Variants in CDC14A observed in about 807,000 individuals in gnomAD.
CDC14A encodes the protein dual specificity protein phosphatase CDC14A.
CDC14A carries 53 observed loss-of-function variants against 74.4 expected under a neutral mutation model. The ratio of observed to expected loss-of-function variants is 0.71; its 90% confidence interval spans 0.57 to 0.89. The LOEUF is 0.89. CDC14A is among the 40% of genes least tolerant of loss of function. The pLI, the probability that CDC14A is intolerant of heterozygous loss-of-function variation, is 0.00. For synonymous variants in CDC14A, 247 were observed against 258.4 expected, an observed-to-expected ratio of 0.96 and a Z score of 0.43; for missense variants, 646 against 713.7, an observed-to-expected ratio of 0.91 and a Z score of 1.08.
intron 4 of CDC14A, among the ~76,000 whole-genome samples, chr1:100,420,051 CACACACACACACATATAT>C (rs1200571573): frequency 1.3e-3 from 19 of 14,850 alleles, no homozygotes; most frequent in African/African-American, 4.8e-3. Context: ...CACACACACA[CACACACACACACATATAT>C]ATATATATAT....
At chr1:100,398,117 T>C (rs12061442) in intron 4 of CDC14A, among the ~76,000 whole-genome samples, 19,794 of 152,196 alleles carry the variant, frequency 0.13, 1,493 homozygotes, top group Non-Finnish European at 0.16. Context: ...ATAGGCATAA[T>C]AATACCCTAT....
chr1:100,454,515 G>A (rs1363937108), intron 7 of CDC14A, among the ~76,000 whole-genome samples: 1 of 152,136 alleles, frequency 6.6e-6, no homozygotes, highest in African/African-American at 2.4e-5. Flanking sequence ...CATGGGGAAG[G>A]GAAGAAAATG....
chr1:100,440,121 T>G, intron 6 of CDC14A, 123 bp downstream of exon 6: 1 of 690,938 alleles, frequency 1.4e-6, no homozygotes, highest in South Asian at 1.8e-5. Context: ...TAGAAGGCTT[T>G]TCACTTCTTG....
chr1:100,505,797 T>A (rs1649177515), intron 15 of CDC14A, among the ~76,000 whole-genome samples: 2 of 152,210 alleles, frequency 1.3e-5, no homozygotes, highest in South Asian at 4.1e-4. Context: ...GGGTAATTCA[T>A]AAAGAAAAAT....
At chr1:100,402,759 A>T (rs1659439057) in intron 4 of CDC14A, among the ~76,000 whole-genome samples, 1 of 152,208 alleles carries the variant, frequency 6.6e-6, no homozygotes, top group African/African-American at 2.4e-5. Flanking sequence ...ATCCAGTCAT[A>T]TAGCATGTCA....
intron 11 of CDC14A, among the ~76,000 whole-genome samples, chr1:100,493,787 G>A (rs1234716107): frequency 1.3e-5 from 2 of 152,172 alleles, no homozygotes; most frequent in Admixed American, 1.3e-4. Context: ...ACTCAGAGAT[G>A]TGATGGTGAG....
intron 4 of CDC14A, 192 bp from the exon 5 acceptor site, chr1:100,424,030 A>G (rs1021757172): frequency 1.9e-5 from 10 of 533,286 alleles, no homozygotes; most frequent in African/African-American, 1.2e-4. Flanking sequence ...AAGCTTACCC[A>G]TGGAGAAGAC....
rs147269081 is a variant in CDC14A at position 100,395,357 on chromosome 1, T to G, written c.309+4533T>G. Among the ~76,000 whole-genome samples the G allele has an allele frequency of 1.1e-3, 172 of 152,340 alleles. 1 individual carries two copies. Among genetic ancestry groups the G allele is most frequent in the African/African-American group, 4.1e-3 (169 of 41,572 alleles). ...TTATTCCTTCTCTCCCTAAATGTAT[T>G]TATTTCCCAAGTCATTCCCTTTTTA... On this transcript the variant is annotated intron_variant, in intron 4 of 15. Transcript: ENST00000336454.
At chr1:100,348,259 G>A (rs1431741181), upstream of CDC14A, among the ~76,000 whole-genome samples, 4 of 143,444 alleles carry the variant, frequency 2.8e-5, no homozygotes, top group South Asian at 2.2e-4. Context: ...TCCAGCCTGG[G>A]CAACAGAGCA....
chr1:100,425,155 G>A (rs1156496849), intron 5 of CDC14A, among the ~76,000 whole-genome samples: 1 of 152,098 alleles, frequency 6.6e-6, no homozygotes. Flanking sequence ...GTGACAGAGT[G>A]ATACCGTTTC....
intron 6 of CDC14A, among the ~76,000 whole-genome samples, chr1:100,441,477 T>G (rs773259803): frequency 1.3e-5 from 2 of 152,196 alleles, no homozygotes; most frequent in African/African-American, 2.4e-5. Context: ...TTTCTCTGAT[T>G]TTAATGTATT....
chr1:100,420,063 C>CACACACACACATATATATATATAT, intron 4 of CDC14A, among the ~76,000 whole-genome samples: 1 of 61,596 alleles, frequency 1.6e-5, no homozygotes, highest in South Asian at 8.9e-4. Flanking sequence ...CACACACACA[C>CACACACACACATATATATATATAT]ATATATATAT....
intron 3 of CDC14A, among the ~76,000 whole-genome samples, chr1:100,378,474 A>T (rs1439018797): frequency 1.3e-5 from 2 of 152,224 alleles, no homozygotes; most frequent in Non-Finnish European, 2.9e-5. Context: ...CTGGTGTTAC[A>T]TAGTACAATG....
rs372163710 is a variant in CDC14A, at chr1:100,390,696, A to G, written c.217-36A>G. 1.5e-5 allele frequency: 20 copies of G among 1,338,610 alleles called. No individual in the cohort carries two copies. The African/African-American group carries it at 1.7e-4, about 12-fold the overall frequency. The allele number at this position is 1,338,610 out of a possible 1,614,324, so 82.9% of individuals were successfully genotyped here. ...TTCTGTATATGTTAACTTTGTCTCT[A>G]TGGTTACACTAACTCTTTTTATCTC... On this transcript the variant is annotated intron_variant, in intron 3 of 15. Coordinates refer to ENST00000336454, the MANE Select transcript of CDC14A (RefSeq NM_003672.4).
In CDC14A at chr1:100,499,098, C is replaced by T. The variant is rs573425263; in HGVS notation, c.1591C>T (p.Leu531Phe). The change falls in exon 15 of 16, where the codon CTC (leucine) becomes TTC (phenylalanine). Residue 531 changes from leucine to phenylalanine, a missense_variant. Physicochemically the swap from Leu to Phe is conservative, Grantham distance 22. Coordinates refer to ENST00000336454, the MANE Select transcript of CDC14A (RefSeq NM_003672.4). ...SQPTTRNYPE[L>F]NNNQYNRSSN... ...GCCAACTACCAGAAATTACCCTGAG[C>T]TCAACAATAATCAGTACAACAGAAG... 2 of 1,614,170 alleles carry T rather than the reference C, an allele frequency of 1.2e-6. No homozygotes were observed. Among genetic ancestry groups the T allele is most frequent in the Admixed American group, 1.7e-5 (1 of 60,024 alleles).
At chr1:100,478,712 T>C (rs565720879) in intron 10 of CDC14A, among the ~76,000 whole-genome samples, 1 of 152,354 alleles carries the variant, frequency 6.6e-6, no homozygotes, top group African/African-American at 2.4e-5. Context: ...CACAGTATTA[T>C]GGTTGAACTC....
chr1:100,370,324 G>A (rs1463994692), intron 2 of CDC14A, among the ~76,000 whole-genome samples: 1 of 147,314 alleles, frequency 6.8e-6, no homozygotes, highest in Admixed American at 6.8e-5. Context: ...GTCTCCCTTT[G>A]TTGCTCAGGC....
chr1:100,377,301 A>G (rs1036195081), intron 2 of CDC14A, among the ~76,000 whole-genome samples: 1 of 152,080 alleles, frequency 6.6e-6, no homozygotes, highest in African/African-American at 2.4e-5. Flanking sequence ...CAGCCTCCCA[A>G]AGTGCTGGGA....
rs150619755 is a variant in CDC14A at position 100,499,271 on chromosome 1, G to C, written c.1755+9G>C. 1.9e-6 allele frequency: 3 copies of C among 1,614,134 alleles called. No individual in the cohort carries two copies. Among genetic ancestry groups the C allele is most frequent in the Non-Finnish European group, 2.5e-6 (3 of 1,180,016 alleles). Reference sequence around the variant, plus strand: ...TGAGCCGTTCTATCCCTGTAAGTGCGCAGACACCACCTCCTGGTCCTCAGA... The same window carrying C: ...TGAGCCGTTCTATCCCTGTAAGTGCCCAGACACCACCTCCTGGTCCTCAGA... On this transcript the variant is annotated intron_variant, in intron 15 of 15. Transcript: ENST00000336454.
Sources: gnomAD v4.1 joint callset for allele counts (sites outside exome capture counted in the v4.1 genomes callset) on GRCh38, gnomAD v4.1.1 for gene constraint, MANE v1.5 for transcripts, NCBI Gene and HGNC (gene_info 2026-07-23, HGNC 2026-07-21) for gene names.